Variants in DIPK1C observed in about 807,000 individuals in gnomAD.
The protein encoded by DIPK1C is divergent protein kinase domain 1C, also known as familial non-conventional Alzheimer's dementia.
Under a neutral mutation model 28.0 loss-of-function variants are expected in DIPK1C, and 33 were observed. The observed-to-expected ratio is 1.18, with a 90% CI of 0.89 to 1.58. DIPK1C has a LOEUF of 1.58. Among genes scored for constraint, DIPK1C ranks in the 40% most tolerant of loss-of-function variants. DIPK1C has a pLI of 0.00. For synonymous variants in DIPK1C, 255 were observed against 248.8 expected, an observed-to-expected ratio of 1.02 and a Z score of -0.23; for missense variants, 569 against 568.5, an observed-to-expected ratio of 1.00 and a Z score of -0.01.
chr18:74,448,796 G>A (rs1162489669), intron 1 of DIPK1C, among the ~76,000 whole-genome samples: 1 of 152,128 alleles, frequency 6.6e-6, no homozygotes, highest in African/African-American at 2.4e-5. Context: ...TGGACCTCCA[G>A]TGTCTAGATG....
At chr18:74,454,351 C>A (rs1311162830) in intron 1 of DIPK1C, among the ~76,000 whole-genome samples, 1 of 152,182 alleles carries the variant, frequency 6.6e-6, no homozygotes, top group Non-Finnish European at 1.5e-5. Context: ...ACCCCCATCC[C>A]CTGACTCGTC....
intron 2 of DIPK1C, among the ~76,000 whole-genome samples, chr18:74,445,992 G>A (rs999125357): frequency 2.0e-5 from 3 of 152,300 alleles, no homozygotes; most frequent in South Asian, 4.1e-4. Flanking sequence ...CTGTTCTCAC[G>A]CAGCTGCCTG....
In DIPK1C at chr18:74,446,597, G is replaced by T. The variant is rs79862102; in HGVS notation, c.876+9C>A. ...TCTGCACATAAACACACCGACCTGCGCCACTTACTGTGAAGTCGCTCCGGA... is the reference window on the plus strand; with the variant it reads ...TCTGCACATAAACACACCGACCTGCTCCACTTACTGTGAAGTCGCTCCGGA... On this transcript the variant is annotated intron_variant, in intron 2 of 3. Transcript: ENST00000343998. The T allele has an allele frequency of 7.2e-4, 1,038 of 1,448,100 alleles. 6 individuals carry two copies. The African/African-American group carries it at 0.013, about 18-fold the overall frequency. The allele number at this position is 1,448,100 out of a possible 1,614,324, so 89.7% of individuals were successfully genotyped here.
At chr18:74,444,336 G>T (rs1366132432) in intron 2 of DIPK1C, among the ~76,000 whole-genome samples, 4 of 152,178 alleles carry the variant, frequency 2.6e-5, no homozygotes, top group African/African-American at 7.2e-5. Context: ...CTGCAAGTGG[G>T]CACCTGCCCT....
In DIPK1C at chr18:74,456,509, G is replaced by A. The variant is rs1351715268; in HGVS notation, c.198+553C>T. Reference sequence around the variant, plus strand: ...GTCGGTTCCCACAGACCGCGACCGCGGAGAGCCTGGGCTCTGGAGCGCAGG... The same window carrying A: ...GTCGGTTCCCACAGACCGCGACCGCAGAGAGCCTGGGCTCTGGAGCGCAGG... On this transcript the variant is annotated intron_variant, in intron 1 of 3. Coordinates refer to ENST00000343998, the MANE Select transcript of DIPK1C (RefSeq NM_001044369.3). Among the ~76,000 whole-genome samples, 6 of 152,340 alleles carry A rather than the reference G, an allele frequency of 3.9e-5. No individual in the cohort carries two copies. In the East Asian group the frequency reaches 9.7e-4, roughly 25 times the overall value.
intron 1 of DIPK1C, among the ~76,000 whole-genome samples, chr18:74,452,490 T>C (rs539347945): frequency 6.6e-6 from 1 of 151,988 alleles, no homozygotes; most frequent in East Asian, 1.9e-4. Flanking sequence ...ATGCCCGTAA[T>C]CCGAGCAGTT....
rs539863679 is a variant in DIPK1C, at chr18:74,442,940, C to T, written c.877-824G>A. 4.2e-4 allele frequency among the ~76,000 whole-genome samples: 64 copies of T among 152,296 alleles called. 1 individual carries two copies. In the South Asian group the frequency reaches 5.4e-3, roughly 13 times the overall value. On this transcript the variant is annotated intron_variant, in intron 2 of 3. Transcript: ENST00000343998. The stretch of plus-strand genomic sequence containing the variant: ...AAGCCACATTCGAGTGGCTGGTCTC[C>T]GGGTGTGATGGAGAAACTGAGGCGG...
upstream of DIPK1C, among the ~76,000 whole-genome samples, chr18:74,462,197 T>C (rs374795247): frequency 9.2e-5 from 14 of 152,240 alleles, no homozygotes; most frequent in Non-Finnish European, 1.6e-4. Flanking sequence ...TGTGTGGCTG[T>C]GGAACGTCTC....
intron 1 of DIPK1C, among the ~76,000 whole-genome samples, chr18:74,453,345 A>G (rs1276868704): frequency 6.6e-6 from 1 of 152,234 alleles, no homozygotes; most frequent in Admixed American, 6.5e-5. Context: ...CGAAGTAGCT[A>G]TGCTGTGCTT....
rs1986271421 is a variant in DIPK1C, at chr18:74,446,746, CA to C, written c.735del (p.Gly247ValfsTer18). The part of the protein sequence containing the change: ...LFPLDRAPGA[P>X]GGGQAKAISD... ...CTGATGGCCTTGGCCTGGCCACCCCCAGGGGCACCTGGGGCCCGGTCCAGGG... is the reference window on the plus strand; with the variant it reads ...CTGATGGCCTTGGCCTGGCCACCCCCGGGGCACCTGGGGCCCGGTCCAGGG... On this transcript the variant is annotated frameshift_variant, in exon 2 of 4. Transcript: ENST00000343998. LOFTEE classifies it high-confidence loss of function. 1 of 1,533,686 alleles carries C rather than the reference CA, an allele frequency of 6.5e-7. No individual in the cohort carries two copies. The highest frequency in any genetic ancestry group is 8.8e-7 in the Non-Finnish European group (1 of 1,138,032).
intron 1 of DIPK1C, among the ~76,000 whole-genome samples, chr18:74,449,425 G>A (rs912235499): frequency 6.6e-6 from 1 of 152,080 alleles, no homozygotes; most frequent in Non-Finnish European, 1.5e-5. Flanking sequence ...CAGGCTAATC[G>A]TTCAAAGCGC....
At chr18:74,462,969 C>T in the DIPK1C span, among the ~76,000 whole-genome samples, 12 of 152,138 alleles carry the variant, frequency 7.9e-5, no homozygotes, top group African/African-American at 2.9e-4. Flanking sequence ...AATTTTAGTC[C>T]ACATTCTCTC....
chr18:74,464,440 C>T, the DIPK1C span, among the ~76,000 whole-genome samples: 195 of 152,330 alleles, frequency 1.3e-3, no homozygotes, highest in African/African-American at 4.5e-3. Flanking sequence ...ACTCCTGCCC[C>T]CTGGCAGGCA....
intron 3 of DIPK1C, among the ~76,000 whole-genome samples, chr18:74,437,274 A>AGG (rs1986019240): frequency 6.6e-6 from 1 of 152,216 alleles, no homozygotes; most frequent in Non-Finnish European, 1.5e-5. Flanking sequence ...GGCTCATGAA[A>AGG]CAAAGGCATA....
intron 1 of DIPK1C, among the ~76,000 whole-genome samples, chr18:74,456,381 G>A (rs575936080): frequency 1.2e-4 from 18 of 152,238 alleles, no homozygotes; most frequent in African/African-American, 4.3e-4. Context: ...GCGAGCTTTC[G>A]GGCCCTCCCA....
rs1013668906 is a variant in DIPK1C at position 74,435,042 on chromosome 18, C to T, written c.*1459G>A. The T allele has an allele frequency of 1.3e-5, 2 of 152,180 alleles. No homozygotes were observed. Among genetic ancestry groups the T allele is most frequent in the African/African-American group, 2.4e-5 (1 of 41,452 alleles). 9.4% of individuals were successfully genotyped at this position (152,180 alleles called of 1,614,324 possible). ...TAGTCCCTCACACACCATTTCTCAG[C>T]GTGCCCTGAAGGGCAGAGTCAGTAA... is the stretch of plus-strand genomic sequence containing the variant. On this transcript the variant is annotated 3_prime_UTR_variant, in exon 4 of 4. Transcript: ENST00000343998.
chr18:74,438,587 C>T (rs1986049946), intron 3 of DIPK1C, among the ~76,000 whole-genome samples: 1 of 152,194 alleles, frequency 6.6e-6, no homozygotes, highest in Admixed American at 6.5e-5. Context: ...GTTTAATTTG[C>T]ATCTTTCTTA....
chr18:74,460,363 T>C (rs1986598377), upstream of DIPK1C, among the ~76,000 whole-genome samples: 4 of 152,224 alleles, frequency 2.6e-5, no homozygotes, highest in South Asian at 8.3e-4. Flanking sequence ...CTTGTTTTTG[T>C]TTTTGTTTTG....
intron 2 of DIPK1C, among the ~76,000 whole-genome samples, chr18:74,446,088 C>T (rs1323801760): frequency 6.6e-6 from 1 of 152,190 alleles, no homozygotes; most frequent in Non-Finnish European, 1.5e-5. Context: ...CCATTTGTTC[C>T]TCTAGAAGTC....
Sources: allele counts gnomAD v4.1 joint callset (sites outside exome capture counted in the v4.1 genomes callset), GRCh38; gene constraint gnomAD v4.1.1; transcripts MANE v1.5; gene names NCBI Gene and HGNC (gene_info 2026-07-23, HGNC 2026-07-21).